Variants in PIK3C3 observed in about 807,000 individuals in gnomAD.
PIK3C3 encodes phosphatidylinositol 3-kinase catalytic subunit type 3, also known as PI3-kinase type 3.
In PIK3C3, 95 loss-of-function variants were observed where a neutral mutation model predicts 126.1. That is an observed-to-expected ratio of 0.75 (90% CI 0.64 to 0.89). The LOEUF is 0.89. Among genes scored for constraint, PIK3C3 ranks in the 40% least tolerant of loss-of-function variants. The pLI is 0.00. For missense variants in PIK3C3, 829 were observed against 1,063.2 expected (o/e 0.78, Z 3.06); for synonymous variants, 374 against 360.0 (o/e 1.04, Z -0.44).
intron 21 of PIK3C3, among the ~76,000 whole-genome samples, chr18:42,054,176 A>ATCTATATATATATC (rs1984950538): frequency 1.6e-5 from 1 of 63,548 alleles, no homozygotes; most frequent in Non-Finnish European, 3.0e-5. Context: ...ATATATATAT[A>ATCTATATATATATC]TATATATATA....
intron 4 of PIK3C3, among the ~76,000 whole-genome samples, chr18:41,980,606 A>G (rs561379604): frequency 2.0e-5 from 3 of 152,284 alleles, no homozygotes; most frequent in Admixed American, 2.0e-4. Flanking sequence ...ACTTGTGCTC[A>G]GGAGTTCGAA....
intron 10 of PIK3C3, among the ~76,000 whole-genome samples, chr18:42,008,757 A>G (rs1206782194): frequency 3.3e-5 from 5 of 151,976 alleles, no homozygotes; most frequent in African/African-American, 1.2e-4. Context: ...TTTTCAAGAC[A>G]TGAGTATATA....
At chr18:41,961,814 TA>T (rs905607912) in intron 2 of PIK3C3, among the ~76,000 whole-genome samples, 13 of 151,220 alleles carry the variant, frequency 8.6e-5, no homozygotes, top group Middle Eastern at 3.2e-3. Flanking sequence ...ATAGAGGGTT[TA>T]AAAAAAAAGA....
chr18:41,978,195 T>A (rs1223570644), intron 4 of PIK3C3, among the ~76,000 whole-genome samples: 1 of 152,094 alleles, frequency 6.6e-6, no homozygotes, highest in East Asian at 1.9e-4. Flanking sequence ...GCTCAAGCAG[T>A]CCTCCTGCCT....
At chr18:41,993,945 G>T (rs939756632) in intron 7 of PIK3C3, among the ~76,000 whole-genome samples, 4 of 152,090 alleles carry the variant, frequency 2.6e-5, no homozygotes, top group African/African-American at 9.7e-5. Flanking sequence ...TTACAAACTT[G>T]TAGGCACAAA....
intron 20 of PIK3C3, 97 bp downstream of exon 20, chr18:42,043,914 T>C: frequency 1.3e-6 from 1 of 763,356 alleles, no homozygotes; most frequent in Non-Finnish European, 2.2e-6. Flanking sequence ...CATGTTAATA[T>C]TTAAATGCTC....
intron 23 of PIK3C3, among the ~76,000 whole-genome samples, chr18:42,065,768 G>C (rs1430950141): frequency 6.6e-6 from 1 of 152,052 alleles, no homozygotes; most frequent in Non-Finnish European, 1.5e-5. Context: ...TTAAGTATTA[G>C]AACAATTAGT....
At chr18:42,029,611 C>A (rs572114123) in intron 15 of PIK3C3, among the ~76,000 whole-genome samples, 170 bp downstream of exon 15, 1 of 137,300 alleles carries the variant, frequency 7.3e-6, no homozygotes, top group East Asian at 2.2e-4. Flanking sequence ...GGCACGATCT[C>A]GGCTCACTGC....
At chr18:42,018,616 A>G (rs1028342467) in intron 12 of PIK3C3, among the ~76,000 whole-genome samples, 1 of 151,958 alleles carries the variant, frequency 6.6e-6, no homozygotes, top group African/African-American at 2.4e-5. Context: ...TTGTAACAAC[A>G]CCCTCTTATT....
At chr18:42,000,123 G>A (rs1355196753) in intron 9 of PIK3C3, among the ~76,000 whole-genome samples, 5 of 152,064 alleles carry the variant, frequency 3.3e-5, no homozygotes, top group Admixed American at 6.5e-5. Context: ...GCATGATCTC[G>A]GCTCACTGCA....
intron 22 of PIK3C3, among the ~76,000 whole-genome samples, chr18:42,060,649 C>T (rs577615261): frequency 2.0e-5 from 3 of 151,974 alleles, no homozygotes; most frequent in South Asian, 2.1e-4. Context: ...TGATGGTGCA[C>T]GCTTGTAATC....
intron 13 of PIK3C3, among the ~76,000 whole-genome samples, chr18:42,022,934 G>A (rs1261439051): frequency 5.3e-5 from 8 of 151,848 alleles, no homozygotes; most frequent in African/African-American, 1.7e-4. Context: ...ATGTCTTGTC[G>A]CCGGTCTTAT....
chr18:41,980,000 C>T (rs927347517), intron 4 of PIK3C3, among the ~76,000 whole-genome samples: 2 of 151,956 alleles, frequency 1.3e-5, no homozygotes, highest in African/African-American at 4.8e-5. Context: ...GAATACACTT[C>T]CTTCCGCCTT....
intron 24 of PIK3C3, among the ~76,000 whole-genome samples, chr18:42,077,875 G>A (rs1390813085): frequency 3.9e-5 from 6 of 152,232 alleles, no homozygotes; most frequent in South Asian, 4.2e-4. Flanking sequence ...ATAGCCTTAC[G>A]AAATGTATTT....
intron 21 of PIK3C3, among the ~76,000 whole-genome samples, chr18:42,055,808 AAAATAAACTTTACCATTAAATACTG>A (rs1985038176): frequency 6.6e-6 from 1 of 152,140 alleles, no homozygotes; most frequent in Admixed American, 6.5e-5. Context: ...ATGGAAATTT[AAAATAAACTTTACCATTAAATACTG>A]TCAAAGAGAA....
At chr18:41,956,548 C>CTTTTTTTTTTT (rs57601171) in intron 1 of PIK3C3, among the ~76,000 whole-genome samples, 5 of 100,236 alleles carry the variant, frequency 5.0e-5, no homozygotes, top group African/African-American at 2.1e-4. Flanking sequence ...AAACCGGTCC[C>CTTTTTTTTTTT]TTTTTTTTTT....
At chr18:42,067,345 C>T in intron 23 of PIK3C3, 43 bp from the exon 24 acceptor site, 1 of 1,596,962 alleles carries the variant, frequency 6.3e-7, no homozygotes. Flanking sequence ...CAAAATGTGC[C>T]CTATTTTTCT....
At chr18:42,021,323 C>A (rs186187113) in intron 13 of PIK3C3, among the ~76,000 whole-genome samples, 29 of 152,274 alleles carry the variant, frequency 1.9e-4, no homozygotes, top group African/African-American at 5.8e-4. Context: ...AACTAAGGCA[C>A]GGAGTGGCTG....
chr18:42,018,826 C>T (rs1052610622), intron 12 of PIK3C3, among the ~76,000 whole-genome samples: 3 of 152,096 alleles, frequency 2.0e-5, no homozygotes, highest in Non-Finnish European at 4.4e-5. Context: ...TGATAAGCCT[C>T]ATTAATTACC....
Sources: allele counts gnomAD v4.1 joint callset (sites outside exome capture counted in the v4.1 genomes callset), GRCh38; gene constraint gnomAD v4.1.1; transcripts MANE v1.5; gene names NCBI Gene and HGNC (gene_info 2026-07-23, HGNC 2026-07-21).